Variants in ORC1 observed in about 807,000 individuals in gnomAD.
ORC1 encodes origin recognition complex, subunit 1 homolog.
In ORC1, 61 loss-of-function variants were observed where a neutral mutation model predicts 98.9. That is an observed-to-expected ratio of 0.62 (90% CI 0.50 to 0.76). ORC1 has a LOEUF of 0.76. ORC1 is among the 30% of genes least tolerant of loss of function. The pLI is 0.00. For synonymous variants in ORC1, 385 were observed against 406.9 expected (o/e 0.95, Z 0.65); for missense variants, 979 against 1,072.2 (o/e 0.91, Z 1.21).
chr1:52,392,469 T>C (rs886360060), intron 6 of ORC1, among the ~76,000 whole-genome samples: 1 of 152,110 alleles, frequency 6.6e-6, no homozygotes, highest in Non-Finnish European at 1.5e-5. Context: ...GAATGTAAAC[T>C]TGTACAACCA....
Position 52,399,809 on chromosome 1 carries a change from T to TCACACACACA in ORC1, c.223+1543_223+1552dup, listed in dbSNP as rs111460694. Among the ~76,000 whole-genome samples, 345 of 146,128 alleles carry TCACACACACA rather than the reference T, an allele frequency of 2.4e-3. 2 individuals carry two copies. The highest frequency in any genetic ancestry group is 4.8e-3 in the African/African-American group (190 of 39,500). ...GTGACACAGCAAGATTCTGTCACTG[T>TCACACACACA]CACACACACACACACACACACACAC... On this transcript the variant is annotated intron_variant, in intron 3 of 16. Transcript: ENST00000371568.
intron 3 of ORC1, among the ~76,000 whole-genome samples, chr1:52,398,152 C>G (rs139933080): frequency 2.6e-5 from 4 of 152,010 alleles, no homozygotes; most frequent in Admixed American, 1.3e-4. Flanking sequence ...TCAGTAGAAA[C>G]GAGGTCTCAC....
chr1:52,383,075 C>CT (rs879599440), intron 13 of ORC1, among the ~76,000 whole-genome samples: 44 of 144,842 alleles, frequency 3.0e-4, no homozygotes, highest in South Asian at 6.6e-4. Context: ...TTTTGCAGAA[C>CT]TTTTTTTTTT....
Position 52,393,678 on chromosome 1 carries a change from G to A in ORC1, c.847C>T (p.Leu283Phe). The A allele has an allele frequency of 6.2e-7, 1 of 1,614,052 alleles. No homozygotes were observed. Among genetic ancestry groups the A allele is most frequent in the Non-Finnish European group, 8.5e-7 (1 of 1,179,988 alleles). Residue 283 changes from leucine to phenylalanine, a missense_variant, in exon 6 of 17, where the codon CTT becomes TTT. Transcript: ENST00000371568. Reference protein sequence around the residue: ...SPSKRSQPDKLQTLSPALKAP... With the variant: ...SPSKRSQPDKFQTLSPALKAP... Reference sequence around the variant, plus strand: ...TTCAGAGCTGGAGACAAGGTTTGAAGTTTATCAGGCTGAGATCTCTTAGAA... The same window carrying A: ...TTCAGAGCTGGAGACAAGGTTTGAAATTTATCAGGCTGAGATCTCTTAGAA...
upstream of ORC1, among the ~76,000 whole-genome samples, chr1:52,407,321 G>A (rs574568646): frequency 3.3e-5 from 5 of 152,276 alleles, no homozygotes; most frequent in East Asian, 9.7e-4. Context: ...TGGCTGGAAC[G>A]ACTCTAATAA....
chr1:52,376,541 A>G (rs552481435), intron 14 of ORC1, among the ~76,000 whole-genome samples: 11 of 152,032 alleles, frequency 7.2e-5, no homozygotes, highest in African/African-American at 2.7e-4. Context: ...GGACACAAAC[A>G]TGACTATCGG....
At chr1:52,373,701 G>T (rs975018857) in intron 16 of ORC1, among the ~76,000 whole-genome samples, 1 of 152,162 alleles carries the variant, frequency 6.6e-6, no homozygotes, top group Non-Finnish European at 1.5e-5. Flanking sequence ...GATATAAAAT[G>T]ACTAGTAACT....
upstream of ORC1, among the ~76,000 whole-genome samples, chr1:52,406,766 ATAAT>A (rs773991775): frequency 2.0e-5 from 3 of 152,218 alleles, no homozygotes; most frequent in South Asian, 2.1e-4. Context: ...TTTGCATATA[ATAAT>A]TCATTTCACT....
At position 52,374,837 on chromosome 1, in the gene ORC1, T is replaced by C; in HGVS notation, c.2364A>G (p.Ser788=). Reference sequence around the variant, plus strand: ...GTTGAAACGTGGCTTCCTCCAGTCCTGATCGACGGAACTCTGCGAGGATGG... The same window carrying C: ...GTTGAAACGTGGCTTCCTCCAGTCCCGATCGACGGAACTCTGCGAGGATGG... The part of the protein sequence containing the change: ...LRAILAEFRR[S]GLEEATFQQI... Residue 788 remains serine (S), a synonymous_variant, in exon 16 of 17, where the codon TCA becomes TCG. Coordinates refer to ENST00000371568, the MANE Select transcript of ORC1 (RefSeq NM_004153.4). 1 of 1,613,846 alleles carries C rather than the reference T, an allele frequency of 6.2e-7. No individual in the cohort carries two copies. Among genetic ancestry groups the C allele is most frequent in the Non-Finnish European group, 8.5e-7 (1 of 1,179,684 alleles).
chr1:52,396,924 T>C (rs1292541065), intron 4 of ORC1, among the ~76,000 whole-genome samples: 1 of 152,180 alleles, frequency 6.6e-6, no homozygotes, highest in East Asian at 1.9e-4. Flanking sequence ...GAGTGCGCAA[T>C]ACTCCTTGAA....
intron 13 of ORC1, 39 bp from the exon 14 acceptor site, chr1:52,381,800 T>A (rs1258768949): frequency 6.2e-7 from 1 of 1,609,062 alleles, no homozygotes; most frequent in East Asian, 2.2e-5. Flanking sequence ...GTTGGTTGAC[T>A]GCCCAGTGAT....
Position 52,374,819 on chromosome 1 carries a change from C to G in ORC1, c.2382G>C (p.Thr794=). The part of the protein sequence containing the change: ...EFRRSGLEEA[T]FQQIYSQHVA... The stretch of plus-strand genomic sequence containing the variant: ...AAGAGGAGGAGATCACCTGTTGAAA[C>G]GTGGCTTCCTCCAGTCCTGATCGAC... Residue 794 remains threonine, a synonymous_variant, in exon 16 of 17, where the codon ACG becomes ACC. Transcript: ENST00000371568. The G allele has an allele frequency of 6.2e-7, 1 of 1,610,560 alleles. No homozygotes were observed. Among genetic ancestry groups the G allele is most frequent in the Non-Finnish European group, 8.5e-7 (1 of 1,176,780 alleles).
chr1:52,389,375 CA>C, intron 6 of ORC1, 54 bp from the exon 7 acceptor site: 2 of 1,261,064 alleles, frequency 1.6e-6, no homozygotes, highest in South Asian at 1.2e-5. Flanking sequence ...CCAGAGTGTA[CA>C]AAAGGCACTA....
chr1:52,385,139 C>G, intron 10 of ORC1, 22 bp downstream of exon 10: 1 of 1,503,066 alleles, frequency 6.7e-7, no homozygotes, highest in African/African-American at 1.4e-5. Context: ...CCAAACTACC[C>G]TGCCTGCCTC....
chr1:52,408,526 A>G (rs1423885279), upstream of ORC1: 1 of 1,613,262 alleles, frequency 6.2e-7, no homozygotes, highest in Admixed American at 1.7e-5. Context: ...AAACTCAGGA[A>G]CTTCTAGGAT....
At chr1:52,380,674 G>A (rs1647057346) in intron 14 of ORC1, among the ~76,000 whole-genome samples, 1 of 149,860 alleles carries the variant, frequency 6.7e-6, no homozygotes, top group African/African-American at 2.5e-5. Flanking sequence ...CAGCCTGGGC[G>A]ACCGAGTGAG....
intron 3 of ORC1, among the ~76,000 whole-genome samples, chr1:52,399,809 T>TCA (rs111460694): frequency 0.12 from 17,673 of 145,994 alleles, 1,678 homozygotes; most frequent in African/African-American, 0.26. Context: ...TCTGTCACTG[T>TCA]CACACACACA....
intron 13 of ORC1, among the ~76,000 whole-genome samples, chr1:52,382,660 A>G (rs1187235840): frequency 6.9e-6 from 1 of 145,088 alleles, no homozygotes; most frequent in African/African-American, 2.6e-5. Context: ...GCTCACCGCA[A>G]CCTCCGCCTC....
intron 8 of ORC1, among the ~76,000 whole-genome samples, chr1:52,386,977 C>T (rs1199687241): frequency 6.6e-6 from 1 of 152,086 alleles, no homozygotes; most frequent in African/African-American, 2.4e-5. Context: ...AAAGGCCTTA[C>T]ATTTATTAAT....
Sources: gnomAD v4.1 joint callset for allele counts (sites outside exome capture counted in the v4.1 genomes callset) on GRCh38, gnomAD v4.1.1 for gene constraint, MANE v1.5 for transcripts, NCBI Gene and HGNC (gene_info 2026-07-23, HGNC 2026-07-21) for gene names.